Variants in SOX5 observed in about 807,000 individuals in gnomAD.
SOX5 encodes SRY-box transcription factor 5.
In SOX5, 9 loss-of-function variants were observed where a neutral mutation model predicts 92.0. The observed-to-expected ratio is 0.10, with a 90% confidence interval of 0.06 to 0.17. The LOEUF (loss-of-function observed/expected upper bound fraction) is 0.17. Ranked by LOEUF, SOX5 falls within the 10% of genes least tolerant of loss-of-function variation. The pLI is 1.00. For missense variants in SOX5, 642 were observed against 944.5 expected, an observed-to-expected ratio of 0.68 and a Z score of 4.20; for synonymous variants, 344 against 336.3, an observed-to-expected ratio of 1.02 and a Z score of -0.25.
intron 9 of SOX5, among the ~76,000 whole-genome samples, chr12:23,589,245 A>AT (rs1339399100): frequency 6.6e-6 from 1 of 151,902 alleles, no homozygotes; most frequent in African/African-American, 2.4e-5. Context: ...ATGAAATACA[A>AT]TTTTTTCCAT....
chr12:24,403,174 T>G (rs538587002), intron 1 of SOX5, among the ~76,000 whole-genome samples: 2 of 152,328 alleles, frequency 1.3e-5, no homozygotes, highest in Admixed American at 1.3e-4. Flanking sequence ...TATTTTCTCC[T>G]CTTTTCTGGC....
chr12:24,195,013 G>C (rs1019313705), intron 4 of SOX5, among the ~76,000 whole-genome samples: 2 of 152,028 alleles, frequency 1.3e-5, no homozygotes, highest in African/African-American at 4.8e-5. Flanking sequence ...TTGTGGGGCT[G>C]GCATTAGAAA....
chr12:24,485,770 G>A (rs1367700736), intron 1 of SOX5, among the ~76,000 whole-genome samples: 4 of 152,106 alleles, frequency 2.6e-5, no homozygotes, highest in Admixed American at 2.6e-4. Flanking sequence ...TAAAATGCTT[G>A]TCTTCCTTTT....
At chr12:23,872,487 T>G (rs76203501) in intron 2 of SOX5, among the ~76,000 whole-genome samples, 5,119 of 152,232 alleles carry the variant, frequency 0.034, 115 homozygotes, top group South Asian at 0.054. Flanking sequence ...GATCTGAAAA[T>G]GTAGTCCCTC....
At chr12:23,665,156 A>G (rs550243740) in intron 7 of SOX5, among the ~76,000 whole-genome samples, 22 of 152,296 alleles carry the variant, frequency 1.4e-4, no homozygotes, top group African/African-American at 4.8e-4. Flanking sequence ...CTCCTATGTC[A>G]TCTATGCAAA....
At chr12:24,293,329 C>G (rs965632161) in intron 2 of SOX5, among the ~76,000 whole-genome samples, 1 of 152,232 alleles carries the variant, frequency 6.6e-6, no homozygotes, top group African/African-American at 2.4e-5. Flanking sequence ...GCTTCACTCA[C>G]TTTAAGACAA....
chr12:23,993,216 C>A (rs968059369), intron 4 of SOX5, among the ~76,000 whole-genome samples: 27 of 152,158 alleles, frequency 1.8e-4, no homozygotes, highest in African/African-American at 6.3e-4. Context: ...ATGAAACACA[C>A]AATTTCAGCT....
intron 8 of SOX5, among the ~76,000 whole-genome samples, chr12:23,621,827 AC>A (rs369128180): frequency 6.6e-6 from 1 of 152,014 alleles, no homozygotes; most frequent in Non-Finnish European, 1.5e-5. Flanking sequence ...CTTTGCAAAA[AC>A]CACGGCATTT....
At position 24,488,652 on chromosome 12, in the gene SOX5, T is replaced by A. The variant is rs1423223004; in HGVS notation, c.-251+73677A>T. Among the ~76,000 whole-genome samples the A allele has an allele frequency of 2.0e-5, 3 of 152,220 alleles. No homozygotes were observed. The East Asian group carries it at 5.8e-4, about 29-fold the overall frequency. ...GGATCTGACTAGAAATTTTCACATTTAATTTTGAAGATGTTCAATATCTAA... is the reference window on the plus strand; with the variant it reads ...GGATCTGACTAGAAATTTTCACATTAAATTTTGAAGATGTTCAATATCTAA... On this transcript the variant is annotated intron_variant, in intron 1 of 4. Transcript: ENST00000446891.
intron 4 of SOX5, among the ~76,000 whole-genome samples, chr12:24,101,718 A>G (rs976365810): frequency 1.3e-5 from 2 of 152,146 alleles, no homozygotes; most frequent in African/African-American, 4.8e-5. Context: ...GCAAAATGTG[A>G]TTTCCAACCT....
chr12:23,654,109 T>G (rs2082018795), intron 7 of SOX5, among the ~76,000 whole-genome samples: 1 of 152,244 alleles, frequency 6.6e-6, no homozygotes, highest in Non-Finnish European at 1.5e-5. Flanking sequence ...ACGGTTTAAT[T>G]CAAACAAATA....
chr12:23,723,351 TAATG>T (rs2092926545), intron 6 of SOX5, among the ~76,000 whole-genome samples: 1 of 151,476 alleles, frequency 6.6e-6, no homozygotes, highest in African/African-American at 2.4e-5. Context: ...TCCAATTGGA[TAATG>T]AAAAGAAAAA....
intron 4 of SOX5, among the ~76,000 whole-genome samples, chr12:24,082,786 T>C (rs192693685): frequency 6.7e-4 from 102 of 152,082 alleles, no homozygotes; most frequent in African/African-American, 2.3e-3. Context: ...AGGTCATAGT[T>C]ATCTTTGCTG....
At chr12:23,945,227 C>T (rs534647548) in intron 1 of SOX5, among the ~76,000 whole-genome samples, 1 of 152,266 alleles carries the variant, frequency 6.6e-6, no homozygotes, top group South Asian at 2.1e-4. Context: ...AGAATCAGAA[C>T]AGGTCTTATT....
intron 1 of SOX5, among the ~76,000 whole-genome samples, chr12:24,483,596 T>C (rs1031422438): frequency 6.6e-6 from 1 of 152,208 alleles, no homozygotes; most frequent in African/African-American, 2.4e-5. Flanking sequence ...ATGCAGCCTC[T>C]CGGTCTCTTA....
chr12:23,960,516 T>TAC (rs1946785850), intron 4 of SOX5, among the ~76,000 whole-genome samples: 1 of 78,892 alleles, frequency 1.3e-5, no homozygotes, highest in African/African-American at 3.8e-5. Flanking sequence ...TTTATATACA[T>TAC]ATATATATAT....
intron 2 of SOX5, 26 bp from the exon 3 acceptor site, chr12:23,846,219 T>A (rs1027858325): frequency 3.9e-6 from 6 of 1,547,044 alleles, no homozygotes; most frequent in Non-Finnish European, 5.4e-6. Flanking sequence ...AAATGACAAA[T>A]AATTGTTTAC....
chr12:23,863,023 T>C (rs530504141), intron 2 of SOX5, among the ~76,000 whole-genome samples: 54 of 152,230 alleles, frequency 3.5e-4, no homozygotes, highest in African/African-American at 1.2e-3. Flanking sequence ...GACCACAGGG[T>C]TTCTTGAGTG....
At chr12:23,640,058 G>A (rs942446115) in intron 8 of SOX5, among the ~76,000 whole-genome samples, 6 of 152,172 alleles carry the variant, frequency 3.9e-5, no homozygotes, top group Admixed American at 2.0e-4. Flanking sequence ...TTCTATTCCC[G>A]TTAATTGCAT....
Sources: allele counts gnomAD v4.1 joint callset (sites outside exome capture counted in the v4.1 genomes callset), GRCh38; gene constraint gnomAD v4.1.1; transcripts MANE v1.5; gene names NCBI Gene and HGNC (gene_info 2026-07-23, HGNC 2026-07-21).